The following ANK2 variants were observed in gnomAD, a reference collection of about 807,000 sequenced individuals.
The protein encoded by ANK2 is ankyrin 2.
Under a neutral mutation model 360.5 loss-of-function variants are expected in ANK2, and 83 were observed. The observed-to-expected ratio is 0.23, with a 90% confidence interval of 0.19 to 0.28. The LOEUF is 0.28. Ranked by LOEUF, ANK2 falls within the 10% of genes least tolerant of loss-of-function variation. ANK2 has a pLI of 1.00. For synonymous variants in ANK2, 1,740 were observed against 1,759.5 expected (o/e 0.99, Z 0.28); for missense variants, 4,201 against 4,795.7 (o/e 0.88, Z 3.66).
At chr4:113,298,154 T>A (rs1462335461) in intron 22 of ANK2, among the ~76,000 whole-genome samples, 2 of 152,208 alleles carry the variant, frequency 1.3e-5, no homozygotes, top group Admixed American at 6.5e-5. Context: ...CTCAATTACA[T>A]CTAATTGGGT....
chr4:113,287,794 CCCT>C (rs2065458731), intron 19 of ANK2, 91 bp downstream of exon 19: 1 of 1,039,080 alleles, frequency 9.6e-7, no homozygotes, highest in African/African-American at 1.6e-5. Flanking sequence ...CCAGGGTCTT[CCCT>C]CCTCAAGAGT....
At chr4:112,941,298 TA>T (rs1338252214) in intron 2 of ANK2, among the ~76,000 whole-genome samples, 2 of 147,272 alleles carry the variant, frequency 1.4e-5, no homozygotes, top group African/African-American at 4.9e-5. Flanking sequence ...TAAAGATATA[TA>T]AATTTATGTA....
chr4:113,116,992 C>T (rs1159927106), intron 1 of ANK2: 15 of 261,192 alleles, frequency 5.7e-5, no homozygotes, highest in South Asian at 5.1e-4. Flanking sequence ...GCTCCGCCTT[C>T]CCCCGGGACC....
intron 26 of ANK2, among the ~76,000 whole-genome samples, chr4:113,328,507 T>A (rs1188795721): frequency 5.9e-5 from 9 of 152,212 alleles, no homozygotes; most frequent in African/African-American, 1.9e-4. Context: ...ATAAAAAAAA[T>A]TTTAAAGAAT....
intron 34 of ANK2, among the ~76,000 whole-genome samples, chr4:113,344,885 T>G (rs923483409): frequency 6.6e-6 from 1 of 152,068 alleles, no homozygotes; most frequent in African/African-American, 2.4e-5. Flanking sequence ...AGATAGAAAG[T>G]AGAAGAGTGG....
At chr4:112,953,680 A>G (rs115324282) in intron 2 of ANK2, among the ~76,000 whole-genome samples, 222 of 152,338 alleles carry the variant, frequency 1.5e-3, no homozygotes, top group African/African-American at 5.2e-3. Flanking sequence ...CTAGAGGTCT[A>G]ATTATTGACT....
At chr4:112,715,834 T>C in the ANK2 span, among the ~76,000 whole-genome samples, 1 of 152,166 alleles carries the variant, frequency 6.6e-6, no homozygotes, top group Non-Finnish European at 1.5e-5. Flanking sequence ...GCCTGCACTT[T>C]TTCTTTGCAG....
chr4:112,800,758 G>A, the ANK2 span, among the ~76,000 whole-genome samples: 1 of 152,130 alleles, frequency 6.6e-6, no homozygotes, highest in Non-Finnish European at 1.5e-5. Context: ...AGGTTCAAGC[G>A]ATTCTCCTGT....
At chr4:112,808,182 A>C in the ANK2 span, among the ~76,000 whole-genome samples, 1 of 152,222 alleles carries the variant, frequency 6.6e-6, no homozygotes, top group Admixed American at 6.5e-5. Context: ...TAAGGGAAAT[A>C]GTCATCCCAC....
chr4:113,014,313 G>A (rs1225780307), intron 2 of ANK2, among the ~76,000 whole-genome samples: 1 of 152,208 alleles, frequency 6.6e-6, no homozygotes, highest in Admixed American at 6.5e-5. Context: ...AGGCACTGTT[G>A]TAAGAGTTTC....
At chr4:112,991,397 AC>A (rs1331173601) in intron 2 of ANK2, among the ~76,000 whole-genome samples, 2 of 152,136 alleles carry the variant, frequency 1.3e-5, no homozygotes, top group African/African-American at 4.8e-5. Flanking sequence ...GATTTCCATA[AC>A]AAAATGCCAC....
At chr4:113,036,317 A>G (rs2061593021) in intron 2 of ANK2, among the ~76,000 whole-genome samples, 1 of 151,956 alleles carries the variant, frequency 6.6e-6, no homozygotes, top group South Asian at 2.1e-4. Context: ...TGAAACAAAC[A>G]AAAAGAAAAT....
At chr4:113,245,462 A>C (rs1256856722) in intron 9 of ANK2, among the ~76,000 whole-genome samples, 1 of 152,226 alleles carries the variant, frequency 6.6e-6, no homozygotes, top group African/African-American at 2.4e-5. Context: ...CTGGGGAGGC[A>C]TCAGGAAACT....
intron 2 of ANK2, among the ~76,000 whole-genome samples, chr4:112,988,390 G>T (rs1046422796): frequency 1.2e-4 from 18 of 152,184 alleles, no homozygotes; most frequent in African/African-American, 4.1e-4. Context: ...TCTTACTTAA[G>T]TGGAATTGTC....
chr4:112,738,967 G>C, the ANK2 span: 2 of 706,314 alleles, frequency 2.8e-6, no homozygotes, highest in Non-Finnish European at 5.0e-6. Flanking sequence ...TGGAAGTGCT[G>C]CTGATGTGCA....
intron 2 of ANK2, among the ~76,000 whole-genome samples, chr4:112,957,964 G>A (rs921712965): frequency 1.3e-4 from 19 of 151,332 alleles, no homozygotes; most frequent in Non-Finnish European, 2.7e-4. Flanking sequence ...ACGGGGCGGC[G>A]GGGCAGAGGC....
chr4:112,767,838 G>C, the ANK2 span, among the ~76,000 whole-genome samples: 3 of 152,090 alleles, frequency 2.0e-5, no homozygotes, highest in South Asian at 2.1e-4. Context: ...CCTCAAAAAG[G>C]CTGGGATTTC....
chr4:113,164,663 G>T (rs117650468), intron 1 of ANK2, among the ~76,000 whole-genome samples: 44 of 152,166 alleles, frequency 2.9e-4, no homozygotes, highest in Non-Finnish European at 7.3e-5. Context: ...TATAAGATGC[G>T]GATGCGTAGC....
chr4:113,083,990 G>A (rs978060698), intron 1 of ANK2, among the ~76,000 whole-genome samples: 2 of 152,142 alleles, frequency 1.3e-5, no homozygotes, highest in African/African-American at 2.4e-5. Flanking sequence ...GTGAGGGGGT[G>A]AGGATCTTGT....
Sources: gnomAD v4.1 joint callset for allele counts (sites outside exome capture counted in the v4.1 genomes callset) on GRCh38, gnomAD v4.1.1 for gene constraint, MANE v1.5 for transcripts, NCBI Gene and HGNC (gene_info 2026-07-23, HGNC 2026-07-21) for gene names.